PFKFB2: variants seen among roughly 807,000 people sequenced by gnomAD.
The protein encoded by PFKFB2 is 6-phosphofructo-2-kinase/fructose-2,6-bisphosphatase 2.
PFKFB2 carries 53 observed loss-of-function variants against 68.0 expected under a neutral mutation model. That is an observed-to-expected ratio of 0.78 (90% CI 0.63 to 0.98). The LOEUF is 0.98. PFKFB2 is among the 50% of genes least tolerant of loss of function. The pLI is 0.00. For missense variants in PFKFB2, 451 were observed against 642.0 expected (o/e 0.70, Z 3.22); for synonymous variants, 222 against 227.6 (o/e 0.98, Z 0.22).
Position 207,072,958 on chromosome 1 carries a change from A to C in PFKFB2, c.*587A>C. 7.1e-6 allele frequency: 7 copies of C among 985,710 alleles called. No individual in the cohort carries two copies. Among genetic ancestry groups the C allele is most frequent in the Non-Finnish European group, 8.4e-6 (7 of 830,182 alleles). 61.1% of individuals were successfully genotyped at this position (985,710 alleles called of 1,614,324 possible). A position where few individuals can be genotyped will look rare whatever the true frequency, so the allele number is the denominator to read the frequency against. On this transcript the variant is annotated 3_prime_UTR_variant, in exon 15 of 15. Coordinates refer to ENST00000367080, the MANE Select transcript of PFKFB2 (RefSeq NM_006212.2). The stretch of plus-strand genomic sequence containing the variant: ...GATTGACAAGAGACAAGTCTGGCCC[A>C]GTTAATGCTTTCTGCAGTGGGTCTA...
rs1262641996 is a variant in PFKFB2, at chr1:207,073,468, C to T, written c.*1097C>T. ...AGAGGCAGAGAAGAGTTCACTAAAACTGCTTATTTTTGAATAATTTCAGCA... is the reference window on the plus strand; with the variant it reads ...AGAGGCAGAGAAGAGTTCACTAAAATTGCTTATTTTTGAATAATTTCAGCA... On this transcript the variant is annotated 3_prime_UTR_variant, in exon 15 of 15. Coordinates refer to ENST00000367080, the MANE Select transcript of PFKFB2 (RefSeq NM_006212.2). 2.6e-5 allele frequency: 26 copies of T among 985,328 alleles called. No individual in the cohort carries two copies. Among genetic ancestry groups the T allele is most frequent in the Non-Finnish European group, 3.0e-5 (25 of 829,932 alleles). The allele number at this position is 985,328 out of a possible 1,614,324, so 61.0% of individuals were successfully genotyped here.
chr1:207,067,325 G>A (rs895961969), intron 8 of PFKFB2, among the ~76,000 whole-genome samples, 174 bp from the exon 9 acceptor site: 4 of 152,180 alleles, frequency 2.6e-5, no homozygotes, highest in Admixed American at 2.0e-4. Context: ...ACTTCATCTT[G>A]GTTTTAAGGA....
chr1:207,038,822 T>C (rs1486564405), intron 1 of PFKFB2, among the ~76,000 whole-genome samples: 1 of 152,224 alleles, frequency 6.6e-6, no homozygotes, highest in Non-Finnish European at 1.5e-5. Flanking sequence ...TGTATTTTTA[T>C]TTCTTTGTAG....
intron 8 of PFKFB2, among the ~76,000 whole-genome samples, chr1:207,067,239 C>T (rs873140): frequency 0.34 from 51,356 of 152,094 alleles, 9,462 homozygotes; most frequent in Middle Eastern, 0.46. Flanking sequence ...TCTGTTTATC[C>T]TATTTATCTA....
intron 11 of PFKFB2, among the ~76,000 whole-genome samples, 184 bp downstream of exon 11, chr1:207,069,712 G>A (rs918535244): frequency 6.6e-6 from 1 of 152,100 alleles, no homozygotes; most frequent in Non-Finnish European, 1.5e-5. Context: ...AGATTCCCAG[G>A]GATAAGGGTG....
At chr1:207,071,350 C>A in intron 13 of PFKFB2, 100 bp downstream of exon 13, 1 of 1,140,692 alleles carries the variant, frequency 8.8e-7, no homozygotes. Context: ...CCCTATATAC[C>A]AGGGAAGCTC....
In PFKFB2 at chr1:207,063,877, G is replaced by A. The variant is rs376435555; in HGVS notation, c.507+48G>A. The A allele has an allele frequency of 2.1e-6, 3 of 1,435,690 alleles. No individual in the cohort carries two copies. Among genetic ancestry groups the A allele is most frequent in the South Asian group, 1.1e-5 (1 of 87,662 alleles). 88.9% of individuals were successfully genotyped at this position (1,435,690 alleles called of 1,614,324 possible). A position where few individuals can be genotyped will look rare whatever the true frequency, so the allele number is the denominator to read the frequency against. On this transcript the variant is annotated intron_variant, in intron 7 of 14. Transcript: ENST00000367080. The surrounding 1 kb of genome is among the most constrained non-coding windows in gnomAD (Gnocchi z 4.1). ...ATCTCCTCTTCACCTTTTGTGCTGT[G>A]TGTGTTGTGGGGTGTGTGTGTGTGT...
Position 207,068,314 on chromosome 1 carries a change from G to A in PFKFB2, c.987+5G>A. 2.6e-6 allele frequency: 4 copies of A among 1,561,456 alleles called. No homozygotes were observed. In the South Asian group the frequency reaches 3.6e-5, roughly 14 times the overall value. On this transcript the variant is annotated splice_donor_5th_base_variant and intron_variant, in intron 10 of 14. Coordinates refer to ENST00000367080, the MANE Select transcript of PFKFB2 (RefSeq NM_006212.2). ...ATTCTGAATGAGATTGATGCTGTGA[G>A]TAGGAAGCTCTGAAGGCCCAGAAAA...
At chr1:207,036,004 C>T (rs1682370635) in intron 1 of PFKFB2, among the ~76,000 whole-genome samples, 1 of 152,132 alleles carries the variant, frequency 6.6e-6, no homozygotes, top group South Asian at 2.1e-4. Flanking sequence ...ATACCTGAGA[C>T]CTAGTAATTG....
rs933635900 is a variant in PFKFB2 at position 207,063,480 on chromosome 1, C to T, written c.450+59C>T. 5.2e-6 allele frequency: 6 copies of T among 1,155,338 alleles called. No individual in the cohort carries two copies. Among genetic ancestry groups the T allele is most frequent in the East Asian group, 2.4e-5 (1 of 41,376 alleles). 71.6% of individuals were successfully genotyped at this position (1,155,338 alleles called of 1,614,324 possible). On this transcript the variant is annotated intron_variant, in intron 6 of 14. Transcript: ENST00000367080. This position sits in a 1 kb window ranked among gnomAD's most constrained non-coding sequence, Gnocchi z 4.1. ...TGAGTAGAGGTGGGGAGTCAGGCTA[C>T]AGGCATGGATCTCTCACTCTAGTGG...
At chr1:207,045,932 T>G (rs1337989904) in intron 2 of PFKFB2, 1 of 152,090 alleles carries the variant, frequency 6.6e-6, no homozygotes, top group Non-Finnish European at 1.5e-5. Flanking sequence ...ACTATGCTAA[T>G]TTCATGGGAA....
chr1:207,061,560 C>T (rs1683117362), intron 2 of PFKFB2, among the ~76,000 whole-genome samples: 1 of 152,090 alleles, frequency 6.6e-6, no homozygotes, highest in Non-Finnish European at 1.5e-5. Context: ...GAGATTATGA[C>T]TATGAAGTTC....
chr1:207,047,025 G>C (rs1682615868), intron 2 of PFKFB2: 1 of 152,352 alleles, frequency 6.6e-6, no homozygotes, highest in Non-Finnish European at 1.5e-5. Flanking sequence ...TTGTTATCTA[G>C]TGGTATATTC....
intron 2 of PFKFB2, among the ~76,000 whole-genome samples, chr1:207,043,555 A>C (rs1179642172): frequency 1.3e-5 from 2 of 152,232 alleles, no homozygotes; most frequent in Non-Finnish European, 2.9e-5. Context: ...AGTCTATTAG[A>C]AAATAAATAT....
intron 2 of PFKFB2, among the ~76,000 whole-genome samples, chr1:207,061,689 C>G (rs1044278049): frequency 6.6e-6 from 1 of 152,146 alleles, no homozygotes; most frequent in Non-Finnish European, 1.5e-5. Context: ...TGAGACCATC[C>G]TGGCCAACAT....
chr1:207,071,309 C>T, intron 13 of PFKFB2, 59 bp downstream of exon 13: 23 of 1,448,740 alleles, frequency 1.6e-5, no homozygotes, highest in Non-Finnish European at 2.2e-5. Context: ...AGAATTTTCT[C>T]TGAAGTTTGT....
At chr1:207,044,014 T>C (rs1044145) in intron 2 of PFKFB2, 93,053 of 152,426 alleles carry the variant, frequency 0.61, 30,033 homozygotes, top group African/African-American at 0.81. Flanking sequence ...AGCAGCAGTG[T>C]ATTACTTCAA....
At position 207,072,308 on chromosome 1, in the gene PFKFB2, G is replaced by T; in HGVS notation, c.1455G>T (p.Gly485=). The part of the protein sequence containing the change: ...TIRRPRNYSV[G]SRPLKPLSPL... ...GGCGTCCAAGAAATTACAGTGTTGG[G>T]AGCCGGCCCCTCAAGCCCCTCAGCC... Residue 485 remains glycine (G), a synonymous_variant, in exon 15 of 15, where the codon GGG becomes GGT. Coordinates refer to ENST00000367080, the MANE Select transcript of PFKFB2 (RefSeq NM_006212.2). 6.2e-7 allele frequency: 1 copy of T among 1,614,168 alleles called. No individual in the cohort carries two copies. The highest frequency in any genetic ancestry group is 8.5e-7 in the Non-Finnish European group (1 of 1,180,020).
chr1:207,076,184 A>G lies in PFKFB2; in HGVS notation c.*3813A>G, dbSNP rs1683616592. ...CAACCCACATTTGGTCTTCAGAGAC[A>G]CTGGCATTTTGAAGAAACATATGAT... On this transcript the variant is annotated 3_prime_UTR_variant, in exon 15 of 15. Coordinates refer to ENST00000367080, the MANE Select transcript of PFKFB2 (RefSeq NM_006212.2). 1.0e-6 allele frequency: 1 copy of G among 983,830 alleles called. No individual in the cohort carries two copies. Among genetic ancestry groups the G allele is most frequent in the South Asian group, 4.7e-5 (1 of 21,262 alleles). 60.9% of individuals were successfully genotyped at this position (983,830 alleles called of 1,614,324 possible). A position where few individuals can be genotyped will look rare whatever the true frequency, so the allele number is the denominator to read the frequency against.
Sources: gnomAD v4.1 joint callset for allele counts (sites outside exome capture counted in the v4.1 genomes callset) on GRCh38, gnomAD v4.1.1 for gene constraint, Gnocchi (gnomAD v3.1) non-coding constraint, MANE v1.5 for transcripts, NCBI Gene and HGNC (gene_info 2026-07-23, HGNC 2026-07-21) for gene names.